The following THADA variants were observed in gnomAD, a reference collection of about 807,000 sequenced individuals.
The protein encoded by THADA is tRNA (32-2'-O)-methyltransferase regulator THADA.
Under a neutral mutation model 219.8 loss-of-function variants are expected in THADA, and 213 were observed. That is an observed-to-expected ratio of 0.97 (90% CI 0.87 to 1.09). The LOEUF is 1.09. Ranked by LOEUF, THADA falls within the 50% of genes least tolerant of loss-of-function variation. The probability of loss-of-function intolerance (pLI) is 0.00; values close to 1 mark genes in which losing one functional copy is unlikely to be tolerated. For synonymous variants in THADA, 1,018 were observed against 828.9 expected, an observed-to-expected ratio of 1.23 and a Z score of -3.92; for missense variants, 2,956 against 2,311.3, an observed-to-expected ratio of 1.28 and a Z score of -5.72.
chr2:43,378,055 G>A (rs1023589027), intron 29 of THADA, among the ~76,000 whole-genome samples: 1 of 152,168 alleles, frequency 6.6e-6, no homozygotes, highest in Non-Finnish European at 1.5e-5. Flanking sequence ...TTGCAGAGGT[G>A]ATGTTGGGCA....
intron 30 of THADA, among the ~76,000 whole-genome samples, chr2:43,327,761 AC>A (rs1679504765): frequency 1.3e-5 from 2 of 151,550 alleles, no homozygotes; most frequent in Non-Finnish European, 2.9e-5. Flanking sequence ...ACAACAACAA[AC>A]CCCCCTAAAA....
Position 43,428,230 on chromosome 2 carries a change from C to A in THADA, c.3928G>T (p.Asp1310Tyr). Reference sequence around the variant, plus strand: ...GGATGACGATTTGGTTCTCCCATATCACTGAAACAACAATTATTACACATG... The same window carrying A: ...GGATGACGATTTGGTTCTCCCATATAACTGAAACAACAATTATTACACATG... ...LETVANTVDS[D>Y]MGEPNRHPSM... Residue 1310 changes from aspartate to tyrosine, a missense_variant and splice_region_variant, in exon 28 of 38, where the codon GAT (aspartate) becomes TAT (tyrosine). By Grantham distance (160) the Asp-to-Tyr change is radical. Coordinates refer to ENST00000405975, the MANE Select transcript of THADA (RefSeq NM_022065.5). 1.3e-6 allele frequency: 2 copies of A among 1,593,690 alleles called. No individual in the cohort carries two copies. The highest frequency in any genetic ancestry group is 1.7e-6 in the Non-Finnish European group (2 of 1,168,476).
At chr2:43,572,680 G>T in intron 12 of THADA, 134 bp downstream of exon 12, 1 of 678,810 alleles carries the variant, frequency 1.5e-6, no homozygotes, top group Non-Finnish European at 2.2e-6. Context: ...TTAGTTGGGA[G>T]ACTAGGGTTT....
At chr2:43,575,737 CA>C (rs1438739082) in intron 10 of THADA, among the ~76,000 whole-genome samples, 2 of 152,022 alleles carry the variant, frequency 1.3e-5, no homozygotes, top group African/African-American at 4.8e-5. Flanking sequence ...AGGGTTTCAC[CA>C]TGTTGACCAG....
intron 26 of THADA, among the ~76,000 whole-genome samples, chr2:43,431,357 C>A (rs1289969645): frequency 1.3e-5 from 2 of 152,164 alleles, no homozygotes; most frequent in African/African-American, 4.8e-5. Flanking sequence ...ATCCCCCATG[C>A]CCCTTCCCAG....
In THADA at chr2:43,238,852, T is replaced by G. The variant is rs796838525; in HGVS notation, c.5297-5970A>C. On this transcript the variant is annotated intron_variant, in intron 36 of 37. Coordinates refer to ENST00000405975, the MANE Select transcript of THADA (RefSeq NM_022065.5). ...AAACACCCAGGCAACAGCAGGGACA[T>G]CAGGTGCTCAGTGGAGTGGTTCACA... is the stretch of plus-strand genomic sequence containing the variant. Among the ~76,000 whole-genome samples, 52 of 152,224 alleles carry G rather than the reference T, an allele frequency of 3.4e-4. 1 individual carries two copies. The highest frequency in any genetic ancestry group is 1.3e-3 in the African/African-American group (52 of 41,536).
intron 22 of THADA, among the ~76,000 whole-genome samples, chr2:43,514,608 ATTTT>A (rs1333356247): frequency 0.017 from 1,517 of 91,686 alleles, 14 homozygotes; most frequent in African/African-American, 0.027. Context: ...TTTTATATAT[ATTTT>A]ATATATTTTA....
chr2:43,460,205 C>T (rs1342323526), intron 26 of THADA, among the ~76,000 whole-genome samples: 6 of 144,392 alleles, frequency 4.2e-5, no homozygotes, highest in Non-Finnish European at 7.5e-5. Context: ...GCCTTTGCTC[C>T]CAAAAGGATC....
intron 28 of THADA, among the ~76,000 whole-genome samples, chr2:43,425,708 C>T (rs1386717447): frequency 6.6e-6 from 1 of 152,152 alleles, no homozygotes; most frequent in Non-Finnish European, 1.5e-5. Flanking sequence ...GTCAATAAGT[C>T]AGAGCCTAGG....
At chr2:43,372,344 T>C (rs979369400) in intron 29 of THADA, 2 of 152,182 alleles carry the variant, frequency 1.3e-5, no homozygotes, top group Non-Finnish European at 2.9e-5. Flanking sequence ...ACATTAATAA[T>C]AAACATCACG....
Position 43,547,381 on chromosome 2 carries a change from G to A in THADA, c.3106+1829C>T, listed in dbSNP as rs1335344923. The stretch of plus-strand genomic sequence containing the variant: ...TCTTCTCAAGGATTATCTTTGTGGC[G>A]TTCTCTGTATTTCCTGAATCTGAAT... On this transcript the variant is annotated intron_variant, in intron 20 of 37. Coordinates refer to ENST00000405975, the MANE Select transcript of THADA (RefSeq NM_022065.5). Among the ~76,000 whole-genome samples the A allele has an allele frequency of 1.6e-4, 25 of 152,222 alleles. 1 individual carries two copies. The highest frequency in any genetic ancestry group is 4.6e-4 in the Admixed American group (7 of 15,290).
intron 29 of THADA, among the ~76,000 whole-genome samples, chr2:43,371,403 T>C (rs1670789114): frequency 6.6e-6 from 1 of 152,240 alleles, no homozygotes; most frequent in Non-Finnish European, 1.5e-5. Context: ...GGTGGTTAAA[T>C]GGTAGAATTT....
At chr2:43,585,455 G>A (rs1320463850) in intron 7 of THADA, among the ~76,000 whole-genome samples, 4 of 151,532 alleles carry the variant, frequency 2.6e-5, no homozygotes, top group Admixed American at 2.0e-4. Context: ...GGAGGTAGAG[G>A]TGCAGTGAGC....
intron 22 of THADA, among the ~76,000 whole-genome samples, chr2:43,526,316 C>T (rs961047655): frequency 6.9e-6 from 1 of 144,060 alleles, no homozygotes; most frequent in Non-Finnish European, 1.5e-5. Flanking sequence ...CTCTCTCCAT[C>T]CCTGCTACAG....
intron 35 of THADA, among the ~76,000 whole-genome samples, chr2:43,282,233 A>T (rs1200204898): frequency 6.6e-6 from 1 of 152,156 alleles, no homozygotes; most frequent in African/African-American, 2.4e-5. Flanking sequence ...AAGGTTTGTC[A>T]CCCTTTGCTC....
intron 24 of THADA, 123 bp from the exon 25 acceptor site, chr2:43,499,078 G>T: frequency 9.6e-7 from 1 of 1,046,704 alleles, no homozygotes; most frequent in South Asian, 2.0e-5. Context: ...TGGATAATCC[G>T]CAAATGAAAT....
At chr2:43,427,891 G>A (rs1678691247) in intron 28 of THADA, among the ~76,000 whole-genome samples, 1 of 149,680 alleles carries the variant, frequency 6.7e-6, no homozygotes, top group Non-Finnish European at 1.5e-5. Context: ...GGGAGGGGGA[G>A]CTTGCAGTGA....
intron 27 of THADA, among the ~76,000 whole-genome samples, 158 bp from the exon 28 acceptor site, chr2:43,428,389 C>G (rs925270611): frequency 6.6e-6 from 1 of 152,170 alleles, no homozygotes. Context: ...GGATGGATCA[C>G]GTGAGGTCAG....
chr2:43,563,231 T>A (rs1698289776), intron 15 of THADA: 1 of 152,230 alleles, frequency 6.6e-6, no homozygotes, highest in Non-Finnish European at 1.5e-5. Context: ...ATGCATAAGT[T>A]TTCGTACGTT....
Sources: allele counts gnomAD v4.1 joint callset (sites outside exome capture counted in the v4.1 genomes callset), GRCh38; gene constraint gnomAD v4.1.1; transcripts MANE v1.5; gene names NCBI Gene and HGNC (gene_info 2026-07-23, HGNC 2026-07-21).